GLIS3: variants seen among roughly 807,000 people sequenced by gnomAD.
GLIS3 encodes the protein GLIS family zinc finger 3.
GLIS3 carries 53 observed loss-of-function variants against 78.6 expected under a neutral mutation model. That is an observed-to-expected ratio of 0.67 (90% CI 0.54 to 0.85). The LOEUF (loss-of-function observed/expected upper bound fraction) is 0.85. GLIS3 is among the 40% of genes least tolerant of loss of function. The pLI is 0.00. For missense variants in GLIS3, 1,703 were observed against 1,231.1 expected (o/e 1.38, Z -5.74); for synonymous variants, 684 against 509.9 (o/e 1.34, Z -4.60).
intron 7 of GLIS3, among the ~76,000 whole-genome samples, chr9:3,896,438 G>C (rs1320867096): frequency 6.6e-6 from 1 of 151,972 alleles, no homozygotes; most frequent in Non-Finnish European, 1.5e-5. Context: ...GCCGAGGTGG[G>C]TGGATCACCT....
intron 2 of GLIS3, among the ~76,000 whole-genome samples, chr9:4,187,073 G>A (rs1817871695): frequency 6.6e-6 from 1 of 152,156 alleles, no homozygotes; most frequent in South Asian, 2.1e-4. Flanking sequence ...CCTTGCCCAT[G>A]CCTATGTCCT....
At chr9:4,476,422 C>T in the GLIS3 span, among the ~76,000 whole-genome samples, 1 of 152,156 alleles carries the variant, frequency 6.6e-6, no homozygotes, top group Middle Eastern at 3.4e-3. Flanking sequence ...AGTGCAATGG[C>T]AGGATCTCAG....
In GLIS3 at chr9:4,068,928, G is replaced by T. The variant is rs112830762; in HGVS notation, c.1710+48840C>A. Among the ~76,000 whole-genome samples the T allele has an allele frequency of 5.1e-3, 767 of 151,688 alleles. 4 individuals carry two copies. Among genetic ancestry groups the T allele is most frequent in the African/African-American group, 0.018 (737 of 41,322 alleles). Reference sequence around the variant, plus strand: ...ATCCTGGTCTGTCCACTGATTAAAGGGTATCAGAAAAATAAGGGATTTAAA... The same window carrying T: ...ATCCTGGTCTGTCCACTGATTAAAGTGTATCAGAAAAATAAGGGATTTAAA... On this transcript the variant is annotated intron_variant, in intron 4 of 10. Transcript: ENST00000381971.
rs116347244 is a variant in GLIS3, at chr9:3,977,639, G to C, written c.1711-40450C>G. Among the ~76,000 whole-genome samples the C allele has an allele frequency of 8.8e-3, 1,334 of 152,236 alleles. 22 individuals carry two copies. Among genetic ancestry groups the C allele is most frequent in the African/African-American group, 0.031 (1,279 of 41,534 alleles). ...TCCGATTTTAATTAGACGGCTTAAA[G>C]CAGCCACATCAATAATGGCAGAATG... On this transcript the variant is annotated intron_variant, in intron 4 of 10. Coordinates refer to ENST00000381971, the MANE Select transcript of GLIS3 (RefSeq NM_001042413.2). This position sits in a 1 kb window ranked among gnomAD's most constrained non-coding sequence, Gnocchi z 4.1.
At chr9:4,250,997 G>C (rs1005008397) in intron 2 of GLIS3, among the ~76,000 whole-genome samples, 43 of 152,026 alleles carry the variant, frequency 2.8e-4, no homozygotes, top group Admixed American at 1.7e-3. Flanking sequence ...CCATTCTTTT[G>C]CATTTGCTGA....
chr9:4,370,396 C>G, the GLIS3 span, among the ~76,000 whole-genome samples: 1 of 151,932 alleles, frequency 6.6e-6, no homozygotes, highest in East Asian at 1.9e-4. Flanking sequence ...TGTCTCTAGC[C>G]CAGTGTTGCG....
intron 2 of GLIS3, among the ~76,000 whole-genome samples, chr9:4,132,799 A>C (rs1833074815): frequency 6.6e-6 from 1 of 152,198 alleles, no homozygotes; most frequent in Admixed American, 6.5e-5. Context: ...GGTTCAACCT[A>C]ACACACACAC....
chr9:4,142,964 C>T (rs117683331), intron 2 of GLIS3, among the ~76,000 whole-genome samples: 37 of 152,154 alleles, frequency 2.4e-4, no homozygotes, highest in Non-Finnish European at 4.9e-4. Context: ...CACAGGTATC[C>T]GCTTCCCTTT....
In GLIS3 at chr9:4,060,116, A is replaced by G. The variant is rs147167021; in HGVS notation, c.1710+57652T>C. On this transcript the variant is annotated intron_variant, in intron 4 of 10. Coordinates refer to ENST00000381971, the MANE Select transcript of GLIS3 (RefSeq NM_001042413.2). ...GTAGCCCTGGTAGCGCATATCAAGC[A>G]TTTTACTGAAAGATGTCTCAGGCAA... 6.6e-5 allele frequency among the ~76,000 whole-genome samples: 10 copies of G among 152,108 alleles called. 1 individual carries two copies. The East Asian group carries it at 1.9e-3, about 30-fold the overall frequency.
At chr9:3,876,842 A>C (rs544213577) in intron 8 of GLIS3, among the ~76,000 whole-genome samples, 1 of 151,486 alleles carries the variant, frequency 6.6e-6, no homozygotes, top group South Asian at 2.1e-4. Context: ...CAAAATGTTA[A>C]AAAAAGACAA....
At chr9:4,371,381 G>A in the GLIS3 span, among the ~76,000 whole-genome samples, 5 of 152,154 alleles carry the variant, frequency 3.3e-5, no homozygotes, top group Non-Finnish European at 5.9e-5. Context: ...GACCTCAGTC[G>A]TCCTAAGCCC....
chr9:4,303,217 A>G (rs139732716), upstream of GLIS3, among the ~76,000 whole-genome samples: 430 of 152,170 alleles, frequency 2.8e-3, 3 homozygotes, highest in African/African-American at 9.9e-3. Context: ...CAAAATACAG[A>G]TAAGTTGAGC....
chr9:4,077,740 T>C, intron 4 of GLIS3, among the ~76,000 whole-genome samples: 1 of 152,192 alleles, frequency 6.6e-6, no homozygotes, highest in Non-Finnish European at 1.5e-5. Context: ...GGTCCTGTTC[T>C]CTTGTCAGCG....
At chr9:4,342,473 C>G (rs550490779) in intron 2 of GLIS3, among the ~76,000 whole-genome samples, 6 of 152,262 alleles carry the variant, frequency 3.9e-5, no homozygotes, top group Admixed American at 3.9e-4. Flanking sequence ...GTACCACTAC[C>G]ATGCTATTTG....
At chr9:4,296,133 C>G (rs1816483558) in intron 1 of GLIS3, among the ~76,000 whole-genome samples, 1 of 152,078 alleles carries the variant, frequency 6.6e-6, no homozygotes, top group Non-Finnish European at 1.5e-5. Context: ...TGACGCCACT[C>G]TGAGTTATCT....
intron 2 of GLIS3, among the ~76,000 whole-genome samples, chr9:4,256,435 C>G (rs1441016942): frequency 3.3e-5 from 5 of 152,160 alleles, no homozygotes; most frequent in Non-Finnish European, 7.4e-5. Flanking sequence ...ATAAAGACAT[C>G]TAATTTTTCA....
the GLIS3 span, among the ~76,000 whole-genome samples, chr9:4,401,173 G>T: frequency 3.9e-5 from 6 of 152,174 alleles, no homozygotes; most frequent in Non-Finnish European, 1.5e-5. Context: ...TGGGGCAGTG[G>T]AGAGTCCACT....
intron 4 of GLIS3, among the ~76,000 whole-genome samples, chr9:3,955,718 G>C (rs1252385235): frequency 6.6e-6 from 1 of 152,064 alleles, no homozygotes; most frequent in African/African-American, 2.4e-5. Context: ...CCTGCATTTA[G>C]GGATTCAAAA....
chr9:4,141,084 G>T (rs1441711371), intron 2 of GLIS3, among the ~76,000 whole-genome samples: 1 of 152,192 alleles, frequency 6.6e-6, no homozygotes, highest in Admixed American at 6.5e-5. Context: ...ATAGGTGTGA[G>T]CCACCGTGCC....
Sources: gnomAD v4.1 joint callset for allele counts (sites outside exome capture counted in the v4.1 genomes callset) on GRCh38, gnomAD v4.1.1 for gene constraint, Gnocchi (gnomAD v3.1) non-coding constraint, MANE v1.5 for transcripts, NCBI Gene and HGNC (gene_info 2026-07-23, HGNC 2026-07-21) for gene names.